Variants in TMED3 observed in about 807,000 individuals in gnomAD.
The protein encoded by TMED3 is transmembrane p24 trafficking protein 3.
Under a neutral mutation model 15.0 loss-of-function variants are expected in TMED3, and 9 were observed. The observed-to-expected ratio is 0.60, with a 90% confidence interval of 0.36 to 1.04. The LOEUF is 1.04. TMED3 is among the 50% of genes least tolerant of loss of function. The pLI, the probability that TMED3 is intolerant of heterozygous loss-of-function variation, is 0.01. For synonymous variants in TMED3, 117 were observed against 121.4 expected, an observed-to-expected ratio of 0.96 and a Z score of 0.24; for missense variants, 267 against 278.9, an observed-to-expected ratio of 0.96 and a Z score of 0.30.
chr15:79,379,571 C>T (rs550854245), intron 2 of TMED3, among the ~76,000 whole-genome samples: 4 of 152,100 alleles, frequency 2.6e-5, no homozygotes, highest in East Asian at 3.9e-4. Flanking sequence ...AATATTACTG[C>T]GATGTAAAGT....
chr15:79,339,005 G>A (rs2141227596), intron 2 of TMED3, among the ~76,000 whole-genome samples: 1 of 152,192 alleles, frequency 6.6e-6, no homozygotes, highest in South Asian at 2.1e-4. Context: ...AGTTATCCAG[G>A]GGCCTGTCTC....
Position 79,402,785 on chromosome 15 carries a change from CAAATAA to C in TMED3, c.418-8599_418-8594del, listed in dbSNP as rs869238812. 4.6e-4 allele frequency among the ~76,000 whole-genome samples: 69 copies of C among 150,816 alleles called. 1 individual carries two copies. The highest frequency in any genetic ancestry group is 1.5e-3 in the African/African-American group (61 of 41,012). On this transcript the variant is annotated intron_variant, in intron 2 of 2. Transcript: ENST00000424155. ...TGGGCAACAGGGCAAGTCTCTGTCT[CAAATAA>C]AAATAAAAATAAAAAAATAAAAAGG...
chr15:79,385,584 G>A (rs1893615606), intron 2 of TMED3, among the ~76,000 whole-genome samples: 1 of 152,092 alleles, frequency 6.6e-6, no homozygotes, highest in South Asian at 2.1e-4. Flanking sequence ...CCTGCTCCCT[G>A]GAGTGGAAGG....
At chr15:79,363,586 C>A (rs1193559597) in intron 2 of TMED3, among the ~76,000 whole-genome samples, 1 of 151,392 alleles carries the variant, frequency 6.6e-6, no homozygotes, top group Non-Finnish European at 1.5e-5. Flanking sequence ...ACACAAATGG[C>A]TGATGAGTAT....
intron 2 of TMED3, among the ~76,000 whole-genome samples, chr15:79,317,088 G>A (rs16970839): frequency 0.025 from 3,844 of 152,242 alleles, 156 homozygotes; most frequent in African/African-American, 0.088. Context: ...GTCTGCAGGT[G>A]TTAGTTGCCA....
chr15:79,389,635 G>A (rs1893671686), intron 2 of TMED3, among the ~76,000 whole-genome samples: 1 of 152,008 alleles, frequency 6.6e-6, no homozygotes, highest in South Asian at 2.1e-4. Context: ...AAGAATGATG[G>A]TGGTATTTTA....
chr15:79,348,122 A>G (rs1403989383), intron 2 of TMED3, among the ~76,000 whole-genome samples: 7 of 152,176 alleles, frequency 4.6e-5, no homozygotes, highest in Non-Finnish European at 8.8e-5. Context: ...AATATTTTCA[A>G]TAAGTTACAT....
At chr15:79,406,773 G>A (rs529614854) in intron 2 of TMED3, among the ~76,000 whole-genome samples, 7 of 152,126 alleles carry the variant, frequency 4.6e-5, no homozygotes, top group South Asian at 4.1e-4. Context: ...CTTACCCCCC[G>A]CAGGAATACT....
intron 2 of TMED3, among the ~76,000 whole-genome samples, chr15:79,345,518 T>A (rs545600805): frequency 2.6e-5 from 4 of 152,358 alleles, no homozygotes; most frequent in Admixed American, 2.6e-4. Flanking sequence ...ATGGTTTATA[T>A]GTACCACATT....
intron 2 of TMED3, among the ~76,000 whole-genome samples, chr15:79,315,778 G>A (rs1031471758): frequency 6.6e-6 from 1 of 152,208 alleles, no homozygotes; most frequent in Non-Finnish European, 1.5e-5. Context: ...CTGCCTTTGA[G>A]AGTACTTGCT....
At position 79,322,440 on chromosome 15, in the gene TMED3, A is replaced by C. The variant is rs562667190; in HGVS notation, c.*226A>C. 1 of 1,372,514 alleles carries C rather than the reference A, an allele frequency of 7.3e-7. No individual in the cohort carries two copies. Among genetic ancestry groups the C allele is most frequent in the East Asian group, 2.7e-5 (1 of 36,406 alleles). 85.0% of individuals were successfully genotyped at this position (1,372,514 alleles called of 1,614,324 possible). A position where few individuals can be genotyped will look rare whatever the true frequency, so the allele number is the denominator to read the frequency against. On this transcript the variant is annotated 3_prime_UTR_variant, in exon 3 of 3. Transcript: ENST00000299705. ...ACTGCATTAAGTGTGCAGCGCTGAA[A>C]AGACATTTACAACTAGGCCAGGGAT...
At chr15:79,390,656 G>A (rs866572750) in intron 2 of TMED3, among the ~76,000 whole-genome samples, 1 of 152,096 alleles carries the variant, frequency 6.6e-6, no homozygotes, top group African/African-American at 2.4e-5. Flanking sequence ...AGTGTCAAAA[G>A]GATTGGTACC....
chr15:79,372,997 A>T (rs1009661476), intron 2 of TMED3, among the ~76,000 whole-genome samples: 1 of 152,204 alleles, frequency 6.6e-6, no homozygotes, highest in Non-Finnish European at 1.5e-5. Flanking sequence ...ATTTATCTGT[A>T]TGGGATTCTC....
At chr15:79,339,249 T>C (rs2058840268) in intron 2 of TMED3, among the ~76,000 whole-genome samples, 1 of 152,190 alleles carries the variant, frequency 6.6e-6, no homozygotes, top group Non-Finnish European at 1.5e-5. Flanking sequence ...TTACCTATCA[T>C]TGGAGATGGC....
chr15:79,371,951 G>A (rs527366011), intron 2 of TMED3, among the ~76,000 whole-genome samples: 21 of 152,274 alleles, frequency 1.4e-4, no homozygotes, highest in African/African-American at 4.1e-4. Flanking sequence ...TGAATGTGGC[G>A]TCAATCTCTG....
intron 2 of TMED3, among the ~76,000 whole-genome samples, chr15:79,328,218 A>G (rs1285348736): frequency 6.6e-6 from 1 of 152,202 alleles, no homozygotes; most frequent in East Asian, 1.9e-4. Flanking sequence ...ATGATATAGG[A>G]GGAAGAAAAA....
At chr15:79,369,177 T>A (rs897788075) in intron 2 of TMED3, among the ~76,000 whole-genome samples, 1 of 152,030 alleles carries the variant, frequency 6.6e-6, no homozygotes, top group Non-Finnish European at 1.5e-5. Flanking sequence ...TTCGTCTAAC[T>A]ATGTTCTCCA....
intron 2 of TMED3, among the ~76,000 whole-genome samples, chr15:79,341,815 G>C (rs2058852776): frequency 6.6e-6 from 1 of 152,178 alleles, no homozygotes; most frequent in Non-Finnish European, 1.5e-5. Context: ...GGAGACATTT[G>C]ACAATGTCTG....
chr15:79,320,713 C>T (rs1475364889), intron 2 of TMED3, among the ~76,000 whole-genome samples: 2 of 152,194 alleles, frequency 1.3e-5, no homozygotes, highest in Non-Finnish European at 2.9e-5. Flanking sequence ...CGTTTTCCCA[C>T]AGGCATAATG....
Sources: gnomAD v4.1 joint callset for allele counts (sites outside exome capture counted in the v4.1 genomes callset) on GRCh38, gnomAD v4.1.1 for gene constraint, MANE v1.5 for transcripts, NCBI Gene and HGNC (gene_info 2026-07-23, HGNC 2026-07-21) for gene names.